Variants in CLDN18 observed in about 807,000 individuals in gnomAD.
CLDN18 encodes the protein claudin-18.
Under a neutral mutation model 25.0 loss-of-function variants are expected in CLDN18, and 20 were observed. That is an observed-to-expected ratio of 0.80 (90% CI 0.56 to 1.16). CLDN18 has a LOEUF of 1.16. CLDN18 is among the 50% of genes most tolerant of loss of function. CLDN18 has a pLI of 0.00. For synonymous variants in CLDN18, 125 were observed against 135.6 expected (o/e 0.92, Z 0.54); for missense variants, 297 against 345.4 (o/e 0.86, Z 1.11).
chr3:138,031,937 G>T lies in CLDN18; in HGVS notation c.*796G>T, dbSNP rs1199687751. ...TTTAGTAAAATGATACACTATCTCT[G>T]TGAAATAGCCTCACCCCTACATGTG... is the stretch of plus-strand genomic sequence containing the variant. On this transcript the variant is annotated 3_prime_UTR_variant, in exon 5 of 5. Coordinates refer to ENST00000183605, the MANE Select transcript of CLDN18 (RefSeq NM_016369.4). The T allele has an allele frequency of 6.6e-6, 1 of 152,100 alleles. No individual in the cohort carries two copies. Among genetic ancestry groups the T allele is most frequent in the Non-Finnish European group, 1.5e-5 (1 of 68,012 alleles). The allele number at this position is 152,100 out of a possible 1,614,324, so 9.4% of individuals were successfully genotyped here.
upstream of CLDN18, chr3:138,010,067 C>A: frequency 1.6e-6 from 2 of 1,241,950 alleles, no homozygotes; most frequent in Non-Finnish European, 2.2e-6. Flanking sequence ...GAACCAGGAG[C>A]GAAACTGAGC....
chr3:138,026,131 A>T (rs1942324378), intron 3 of CLDN18, among the ~76,000 whole-genome samples: 1 of 152,062 alleles, frequency 6.6e-6, no homozygotes, highest in Admixed American at 6.6e-5. Context: ...CCTTGGCAGT[A>T]ACCTTGATGG....
At chr3:138,028,273 C>T (rs1001591738) in intron 3 of CLDN18, among the ~76,000 whole-genome samples, 1 of 152,172 alleles carries the variant, frequency 6.6e-6, no homozygotes, top group African/African-American at 2.4e-5. Flanking sequence ...CCATGCTGGC[C>T]AGGCTGGTCT....
At chr3:138,007,228 C>G (rs1370805635), upstream of CLDN18, among the ~76,000 whole-genome samples, 1 of 152,194 alleles carries the variant, frequency 6.6e-6, no homozygotes, top group African/African-American at 2.4e-5. Flanking sequence ...AACCATTCTA[C>G]TATAAAAGCA....
upstream of CLDN18, among the ~76,000 whole-genome samples, chr3:138,008,405 G>A (rs552019171): frequency 5.4e-4 from 82 of 151,906 alleles, no homozygotes; most frequent in Admixed American, 5.2e-4. Flanking sequence ...GGAGTTCGAG[G>A]CCAGCCTGAC....
Position 138,029,851 on chromosome 3 carries a change from A to G in CLDN18, c.558A>G (p.Leu186=). Residue 186 remains leucine, a synonymous_variant, in exon 4 of 5, where the codon CTA becomes CTG. Transcript: ENST00000183605. ...FVGWVAGGLT[L]IGGVMMCIAC... is the part of the protein sequence containing the mutation. ...GCTGGGTCGCTGGAGGCCTCACACT[A>G]ATTGGGGGTGTGATGATGTGCATCG... 1 of 1,598,426 alleles carries G rather than the reference A, an allele frequency of 6.3e-7. No individual in the cohort carries two copies. The highest frequency in any genetic ancestry group is 8.5e-7 in the Non-Finnish European group (1 of 1,173,280).
chr3:138,001,870 G>A (rs941215472), intron 1 of CLDN18, among the ~76,000 whole-genome samples: 1 of 151,950 alleles, frequency 6.6e-6, no homozygotes, highest in African/African-American at 2.4e-5. Context: ...TCTTATACAA[G>A]TACAAAAACC....
chr3:138,021,692 C>T (rs1424454512), intron 1 of CLDN18, among the ~76,000 whole-genome samples: 3 of 152,136 alleles, frequency 2.0e-5, no homozygotes, highest in African/African-American at 7.2e-5. Flanking sequence ...AAAATTATGC[C>T]CTTTACCTCT....
At chr3:138,007,426 A>C (rs941801733), upstream of CLDN18, among the ~76,000 whole-genome samples, 1 of 152,188 alleles carries the variant, frequency 6.6e-6, no homozygotes, top group East Asian at 1.9e-4. Context: ...CATCATCCTC[A>C]GCAAACTAAC....
At chr3:138,007,621 A>G (rs1249520414), upstream of CLDN18, among the ~76,000 whole-genome samples, 1 of 152,164 alleles carries the variant, frequency 6.6e-6, no homozygotes. Context: ...ATGTATACCT[A>G]TGTAACAAAC....
In CLDN18 at chr3:138,010,459, A is replaced by AC; in HGVS notation, c.220+18dup. ...TGGGACTTCCAGGTAGGCACCGTGC[A>AC]CCCCGGGGTAGAGCCAGGTGAACCA... On this transcript the variant is annotated intron_variant, in intron 1 of 4. Coordinates refer to ENST00000183605, the MANE Select transcript of CLDN18 (RefSeq NM_016369.4). 1.2e-6 allele frequency: 2 copies of AC among 1,612,972 alleles called. No homozygotes were observed. The highest frequency in any genetic ancestry group is 1.7e-6 in the Non-Finnish European group (2 of 1,179,222).
At chr3:138,012,082 T>C (rs1030678162) in intron 1 of CLDN18, among the ~76,000 whole-genome samples, 6 of 152,130 alleles carry the variant, frequency 3.9e-5, no homozygotes, top group African/African-American at 1.4e-4. Flanking sequence ...CCTCCTTGCC[T>C]CTTTCATCTC....
upstream of CLDN18, among the ~76,000 whole-genome samples, chr3:138,007,852 T>C (rs1942086193): frequency 6.6e-6 from 1 of 152,176 alleles, no homozygotes; most frequent in African/African-American, 2.4e-5. Flanking sequence ...CCAGTGTCAC[T>C]TCTAACTGTT....
chr3:138,001,109 A>C (rs917947897), intron 1 of CLDN18, among the ~76,000 whole-genome samples: 1 of 152,232 alleles, frequency 6.6e-6, no homozygotes, highest in African/African-American at 2.4e-5. Context: ...TTTTGAGACA[A>C]GAAAACTGAT....
upstream of CLDN18, among the ~76,000 whole-genome samples, chr3:138,007,686 GAAAT>G (rs60348473): frequency 0.28 from 42,629 of 151,856 alleles, 5,950 homozygotes; most frequent in Admixed American, 0.3. Flanking sequence ...TTTTTTAAAT[GAAAT>G]AAATTTTTAA....
intron 1 of CLDN18, among the ~76,000 whole-genome samples, chr3:138,013,811 T>C (rs1942169724): frequency 1.3e-5 from 2 of 152,242 alleles, no homozygotes; most frequent in South Asian, 2.1e-4. Context: ...TAAACAAATA[T>C]GATAGAATTA....
At chr3:138,010,855 G>A (rs1473096248) in intron 1 of CLDN18, among the ~76,000 whole-genome samples, 1 of 152,136 alleles carries the variant, frequency 6.6e-6, no homozygotes, top group Non-Finnish European at 1.5e-5. Context: ...AAAGTTTATT[G>A]AGAGCTAATT....
At chr3:137,998,829 C>G in exon 1 of CLDN18, 3 of 1,589,900 alleles carry the variant, frequency 1.9e-6, no homozygotes, top group Non-Finnish European at 2.6e-6. Context: ...ATTGCGCTGT[C>G]CACTTGTCGT....
chr3:138,028,083 G>A (rs538114000), intron 3 of CLDN18, among the ~76,000 whole-genome samples: 1 of 135,744 alleles, frequency 7.4e-6, no homozygotes, highest in South Asian at 2.3e-4. Flanking sequence ...TTTTTTTCTT[G>A]AGACGAAGTC....
Sources: allele counts gnomAD v4.1 joint callset (sites outside exome capture counted in the v4.1 genomes callset), GRCh38; gene constraint gnomAD v4.1.1; transcripts MANE v1.5; gene names NCBI Gene and HGNC (gene_info 2026-07-23, HGNC 2026-07-21).